The following NRXN3 variants were observed in gnomAD, a reference collection of about 807,000 sequenced individuals.
NRXN3 encodes neurexin 3, also known as neurexin III.
NRXN3 carries 32 observed loss-of-function variants against 137.6 expected under a neutral mutation model. That is an observed-to-expected ratio of 0.23 (90% CI 0.18 to 0.31). The LOEUF is 0.31. NRXN3 is among the 10% of genes least tolerant of loss of function. The probability of loss-of-function intolerance (pLI) is 1.00; values close to 1 mark genes in which losing one functional copy is unlikely to be tolerated. For missense variants in NRXN3, 1,574 were observed against 2,062.5 expected (o/e 0.76, Z 4.59); for synonymous variants, 798 against 784.5 (o/e 1.02, Z -0.29).
chr14:79,486,930 TCTCTCTCTCTCTCTC>T (rs1567258661), intron 16 of NRXN3, among the ~76,000 whole-genome samples: 1 of 66,512 alleles, frequency 1.5e-5, no homozygotes, highest in Non-Finnish European at 4.8e-5. Flanking sequence ...TCTCTCTCTC[TCTCTCTCTCTCTCTC>T]TCTCTCTCTC....
intron 10 of NRXN3, among the ~76,000 whole-genome samples, chr14:78,835,901 G>A (rs2098995313): frequency 6.6e-6 from 1 of 152,026 alleles, no homozygotes; most frequent in African/African-American, 2.4e-5. Context: ...AAAAAGAAAT[G>A]ATCTTGCACA....
At chr14:78,260,109 G>A (rs1395232581) in intron 2 of NRXN3, among the ~76,000 whole-genome samples, 1 of 152,196 alleles carries the variant, frequency 6.6e-6, no homozygotes, top group African/African-American at 2.4e-5. Flanking sequence ...TTCACTGTGT[G>A]TCAGGAGAAG....
intron 17 of NRXN3, among the ~76,000 whole-genome samples, chr14:79,675,949 C>T (rs529789189): frequency 2.2e-4 from 34 of 152,152 alleles, no homozygotes; most frequent in African/African-American, 7.9e-4. Context: ...TTTGATTAGC[C>T]ACCCTAGCCT....
intron 19 of NRXN3, among the ~76,000 whole-genome samples, chr14:79,785,034 A>G (rs2099125262): frequency 1.3e-5 from 2 of 152,194 alleles, no homozygotes; most frequent in African/African-American, 4.8e-5. Context: ...TCACCTTCTC[A>G]TAAAAGTGTT....
At chr14:79,323,187 C>G (rs1390350488) in intron 15 of NRXN3, among the ~76,000 whole-genome samples, 1 of 152,146 alleles carries the variant, frequency 6.6e-6, no homozygotes, top group Non-Finnish European at 1.5e-5. Flanking sequence ...GTGCATGCAA[C>G]CATGCCCCAC....
intron 15 of NRXN3, among the ~76,000 whole-genome samples, chr14:79,396,694 G>C (rs1302659202): frequency 6.6e-6 from 1 of 152,178 alleles, no homozygotes; most frequent in African/African-American, 2.4e-5. Flanking sequence ...TGTTAAAATA[G>C]TTGAGTCCGC....
intron 4 of NRXN3, among the ~76,000 whole-genome samples, chr14:78,368,072 T>C (rs1029849145): frequency 5.3e-5 from 8 of 152,252 alleles, no homozygotes; most frequent in African/African-American, 1.9e-4. Context: ...ACTAATGCTT[T>C]GGCAGTTTTA....
intron 15 of NRXN3, among the ~76,000 whole-genome samples, chr14:79,259,224 G>A (rs79280572): frequency 1.3e-3 from 191 of 152,248 alleles, no homozygotes; most frequent in African/African-American, 4.1e-3. Flanking sequence ...GCTTTTGTTC[G>A]TGATGTTAAA....
chr14:78,653,789 G>C (rs575426900), intron 6 of NRXN3, among the ~76,000 whole-genome samples: 16 of 151,346 alleles, frequency 1.1e-4, no homozygotes, highest in Non-Finnish European at 1.9e-4. Flanking sequence ...AAGTCTGTCA[G>C]AATCATTCTG....
rs76566339 is a variant in NRXN3 at position 79,397,279 on chromosome 14, A to T, written c.3263-69942A>T. ...TTTCCTCCTTTATACCACTGCACTG[A>T]CTTCTAATTACATGCATCTTTCATG... is the stretch of plus-strand genomic sequence containing the variant. On this transcript the variant is annotated intron_variant, in intron 15 of 20. Coordinates refer to ENST00000335750, the MANE Select transcript of NRXN3 (RefSeq NM_001330195.2). Among the ~76,000 whole-genome samples the T allele has an allele frequency of 3.3e-5, 5 of 152,264 alleles. No individual in the cohort carries two copies. The East Asian group carries it at 9.7e-4, about 29-fold the overall frequency.
rs567212093 is a variant in NRXN3 at position 78,723,229 on chromosome 14, G to A, written c.2044+8090G>A. On this transcript the variant is annotated intron_variant, in intron 8 of 20. Transcript: ENST00000335750. ...GAATACAGAAGACAGGAGACCAACA[G>A]GTCAGCATATAATAGTCCAGTTTGC... is the stretch of plus-strand genomic sequence containing the variant. Among the ~76,000 whole-genome samples the A allele has an allele frequency of 3.3e-5, 5 of 152,310 alleles. 1 individual carries two copies. The South Asian group carries it at 1.0e-3, about 32-fold the overall frequency.
chr14:78,333,627 G>C (rs1403898426), intron 4 of NRXN3, among the ~76,000 whole-genome samples: 6 of 152,152 alleles, frequency 3.9e-5, no homozygotes, highest in Non-Finnish European at 8.8e-5. Flanking sequence ...GGCAGTTAGA[G>C]AGACCTCACT....
chr14:78,614,001 C>G (rs2097324484), intron 4 of NRXN3, among the ~76,000 whole-genome samples: 1 of 152,154 alleles, frequency 6.6e-6, no homozygotes, highest in South Asian at 2.1e-4. Flanking sequence ...CAATTTTAGA[C>G]TCTTTGGGTT....
chr14:78,930,599 G>A (rs927412690), intron 10 of NRXN3, among the ~76,000 whole-genome samples: 19 of 152,156 alleles, frequency 1.2e-4, no homozygotes, highest in Admixed American at 6.5e-4. Flanking sequence ...GCTAAGGCAG[G>A]GAAGAAAGAA....
chr14:78,398,388 T>A (rs956766487), intron 4 of NRXN3, among the ~76,000 whole-genome samples: 6 of 152,178 alleles, frequency 3.9e-5, no homozygotes, highest in African/African-American at 1.4e-4. Flanking sequence ...GGGTCTTATT[T>A]AAACTTTCTG....
intron 15 of NRXN3, among the ~76,000 whole-genome samples, chr14:79,192,738 T>C (rs17108909): frequency 0.036 from 5,430 of 151,370 alleles, 225 homozygotes; most frequent in East Asian, 0.2. Flanking sequence ...AGAAGCAATA[T>C]GTAAAAAGAC....
At chr14:79,358,482 G>A (rs1337580714) in intron 15 of NRXN3, among the ~76,000 whole-genome samples, 1 of 150,146 alleles carries the variant, frequency 6.7e-6, no homozygotes, top group Non-Finnish European at 1.5e-5. Flanking sequence ...GCTGAGGCGG[G>A]AGAATGGTGT....
intron 16 of NRXN3, among the ~76,000 whole-genome samples, chr14:79,482,034 G>T (rs1318588151): frequency 6.6e-6 from 1 of 152,180 alleles, no homozygotes; most frequent in Admixed American, 6.5e-5. Flanking sequence ...CATTATAGGA[G>T]TAAGTGGGAA....
intron 8 of NRXN3, among the ~76,000 whole-genome samples, chr14:78,722,485 A>G (rs1323488046): frequency 6.6e-6 from 1 of 152,232 alleles, no homozygotes; most frequent in Non-Finnish European, 1.5e-5. Context: ...AGGCTTTTCT[A>G]GCATCTCTGG....
Sources: allele counts gnomAD v4.1 joint callset (sites outside exome capture counted in the v4.1 genomes callset), GRCh38; gene constraint gnomAD v4.1.1; transcripts MANE v1.5; gene names NCBI Gene and HGNC (gene_info 2026-07-23, HGNC 2026-07-21).